OSBPL1A: variants seen among roughly 807,000 people sequenced by gnomAD.
The protein encoded by OSBPL1A is oxysterol-binding protein-related protein 1.
OSBPL1A carries 80 observed loss-of-function variants against 137.1 expected under a neutral mutation model. The observed-to-expected ratio is 0.58, with a 90% CI of 0.49 to 0.70. OSBPL1A has a LOEUF of 0.70. OSBPL1A is among the 30% of genes least tolerant of loss of function. OSBPL1A has a pLI of 0.00. For missense variants in OSBPL1A, 970 were observed against 1,129.4 expected (o/e 0.86, Z 2.02); for synonymous variants, 365 against 389.7 (o/e 0.94, Z 0.75).
chr18:24,377,545 G>T lies in OSBPL1A; in HGVS notation c.-2-10C>A. On this transcript the variant is annotated splice_polypyrimidine_tract_variant and intron_variant, in intron 1 of 27. Coordinates refer to ENST00000319481, the MANE Select transcript of OSBPL1A (RefSeq NM_080597.4). The stretch of plus-strand genomic sequence containing the variant: ...GCTTCTGTGTTCATTTCTAAATTAA[G>T]AAAATAATAACATTGCTATTATTTA... The T allele has an allele frequency of 6.3e-7, 1 of 1,580,682 alleles. No individual in the cohort carries two copies. The highest frequency in any genetic ancestry group is 2.0e-5 in the Admixed American group (1 of 50,064).
At chr18:24,375,979 C>T (rs1161866242) in intron 2 of OSBPL1A, among the ~76,000 whole-genome samples, 1 of 152,112 alleles carries the variant, frequency 6.6e-6, no homozygotes, top group Non-Finnish European at 1.5e-5. Context: ...CGTGGTCTCC[C>T]TGGCTTCAGG....
chr18:24,225,259 T>C (rs2088038187), intron 16 of OSBPL1A, 61 bp from the exon 17 acceptor site: 2 of 1,578,472 alleles, frequency 1.3e-6, no homozygotes, highest in African/African-American at 1.3e-5. Flanking sequence ...TCCGTAACAA[T>C]GGATCCCTCC....
At chr18:24,321,168 C>T (rs1832646368) in intron 7 of OSBPL1A, among the ~76,000 whole-genome samples, 2 of 151,788 alleles carry the variant, frequency 1.3e-5, no homozygotes. Flanking sequence ...TTTAATAGCC[C>T]CATTGAGATA....
chr18:24,385,010 A>C (rs1169002229), intron 1 of OSBPL1A, among the ~76,000 whole-genome samples: 2 of 149,232 alleles, frequency 1.3e-5, no homozygotes, highest in Non-Finnish European at 3.0e-5. Flanking sequence ...GCTGGAGTGC[A>C]GTGGCACAAT....
chr18:24,283,281 A>AAAAT (rs1246058393), intron 14 of OSBPL1A, among the ~76,000 whole-genome samples: 850 of 78,118 alleles, frequency 0.011, 14 homozygotes, highest in African/African-American at 0.018. Context: ...AAAAAAAAAA[A>AAAAT]ATATATATAT....
At chr18:24,333,449 C>T (rs111458417) in intron 6 of OSBPL1A, among the ~76,000 whole-genome samples, 6 of 152,344 alleles carry the variant, frequency 3.9e-5, no homozygotes, top group African/African-American at 1.4e-4. Flanking sequence ...TCTGCCAGTC[C>T]TTCAGAAGAG....
chr18:24,326,080 A>G (rs1363966452), intron 7 of OSBPL1A, among the ~76,000 whole-genome samples: 1 of 152,176 alleles, frequency 6.6e-6, no homozygotes, highest in Non-Finnish European at 1.5e-5. Context: ...AAAAAAAGAA[A>G]AAAAGACTAG....
intron 4 of OSBPL1A, among the ~76,000 whole-genome samples, chr18:24,349,978 G>T (rs1018442595): frequency 6.6e-6 from 1 of 152,084 alleles, no homozygotes; most frequent in South Asian, 2.1e-4. Flanking sequence ...AACCTAATTC[G>T]CAGGTTTAAA....
chr18:24,228,339 C>G (rs549068176), intron 16 of OSBPL1A, among the ~76,000 whole-genome samples: 13 of 151,490 alleles, frequency 8.6e-5, no homozygotes, highest in Non-Finnish European at 1.8e-4. Flanking sequence ...GCTCTCAAAC[C>G]TCTCGCTATA....
intron 4 of OSBPL1A, among the ~76,000 whole-genome samples, chr18:24,342,755 G>T (rs928808588): frequency 6.6e-6 from 1 of 151,548 alleles, no homozygotes; most frequent in Non-Finnish European, 1.5e-5. Flanking sequence ...AATTTCCCTA[G>T]GCAAAATTTG....
chr18:24,344,161 A>C (rs751430777), intron 4 of OSBPL1A, among the ~76,000 whole-genome samples: 12 of 152,252 alleles, frequency 7.9e-5, no homozygotes, highest in Admixed American at 2.0e-4. Flanking sequence ...TCTCCAAAGA[A>C]GATGTACAAA....
chr18:24,240,638 T>G (rs2088663460), intron 15 of OSBPL1A, among the ~76,000 whole-genome samples: 1 of 152,210 alleles, frequency 6.6e-6, no homozygotes, highest in Admixed American at 6.5e-5. Context: ...TAGTTTCCTC[T>G]CCTATAAGAG....
intron 1 of OSBPL1A, among the ~76,000 whole-genome samples, chr18:24,379,488 C>T (rs1224773718): frequency 6.6e-6 from 1 of 150,436 alleles, no homozygotes; most frequent in Non-Finnish European, 1.5e-5. Flanking sequence ...CCACTGCACT[C>T]CAGCCTGGGT....
chr18:24,331,522 G>C (rs998089709), intron 7 of OSBPL1A, among the ~76,000 whole-genome samples: 6 of 150,600 alleles, frequency 4.0e-5, no homozygotes, highest in Non-Finnish European at 5.9e-5. Context: ...TCAGCCTCCC[G>C]AGTAGCTGGG....
At chr18:24,180,804 G>A (rs539819329) in intron 19 of OSBPL1A, among the ~76,000 whole-genome samples, 30 of 152,288 alleles carry the variant, frequency 2.0e-4, no homozygotes, top group African/African-American at 7.0e-4. Flanking sequence ...GGGAACCTGG[G>A]AGGCGGAGCT....
chr18:24,369,099 T>G (rs1208465988), intron 2 of OSBPL1A, among the ~76,000 whole-genome samples: 1 of 152,168 alleles, frequency 6.6e-6, no homozygotes, highest in Non-Finnish European at 1.5e-5. Context: ...TCTCAGGTAG[T>G]TCTTTATAGC....
At chr18:24,263,691 AGT>A (rs756728170) in intron 15 of OSBPL1A, among the ~76,000 whole-genome samples, 151 of 152,300 alleles carry the variant, frequency 9.9e-4, no homozygotes, top group Non-Finnish European at 1.8e-3. Flanking sequence ...GCTGGAGTGC[AGT>A]GGCGCGATCT....
At chr18:24,291,885 T>C (rs546470573) in intron 14 of OSBPL1A, among the ~76,000 whole-genome samples, 3 of 151,820 alleles carry the variant, frequency 2.0e-5, no homozygotes, top group African/African-American at 7.2e-5. Context: ...AAACCCTGTC[T>C]CTACTAAAAA....
intron 15 of OSBPL1A, among the ~76,000 whole-genome samples, chr18:24,260,035 A>T (rs1311019791): frequency 1.3e-5 from 2 of 152,208 alleles, no homozygotes; most frequent in Non-Finnish European, 2.9e-5. Flanking sequence ...AAGGACTCAG[A>T]CATTTCTCCA....
Sources: allele counts gnomAD v4.1 joint callset (sites outside exome capture counted in the v4.1 genomes callset), GRCh38; gene constraint gnomAD v4.1.1; transcripts MANE v1.5; gene names NCBI Gene and HGNC (gene_info 2026-07-23, HGNC 2026-07-21).